The following WDFY2 variants were observed in gnomAD, a reference collection of about 807,000 sequenced individuals.
WDFY2 encodes WD repeat and FYVE domain containing 2.
In WDFY2, 36 loss-of-function variants were observed where a neutral mutation model predicts 56.4. That is an observed-to-expected ratio of 0.64 (90% CI 0.49 to 0.84). The LOEUF is 0.84. Among genes scored for constraint, WDFY2 ranks in the 40% least tolerant of loss-of-function variants. WDFY2 has a pLI of 0.00. For missense variants in WDFY2, 444 were observed against 512.2 expected, an observed-to-expected ratio of 0.87 and a Z score of 1.29; for synonymous variants, 176 against 183.7, an observed-to-expected ratio of 0.96 and a Z score of 0.34.
chr13:51,584,527 C>G lies in WDFY2; in HGVS notation c.-161C>G, dbSNP rs1953895117. ...GTGCCTGAAGCAGGGAGCGCGGAGT[C>G]GTTCCCGAGAGAGGCGGCCAGGCTA... On this transcript the variant is annotated 5_prime_UTR_variant, in exon 1 of 12. Coordinates refer to ENST00000298125, the MANE Select transcript of WDFY2 (RefSeq NM_052950.4). The G allele has an allele frequency of 1.0e-6, 1 of 1,003,620 alleles. No homozygotes were observed. 62.2% of individuals were successfully genotyped at this position (1,003,620 alleles called of 1,614,324 possible).
At chr13:51,586,627 A>G (rs962896155) in intron 1 of WDFY2, 2 of 152,204 alleles carry the variant, frequency 1.3e-5, no homozygotes, top group Admixed American at 6.5e-5. Context: ...TTACTGGGGT[A>G]TATTTTCAAG....
chr13:51,618,268 C>A (rs1156629671), intron 1 of WDFY2, among the ~76,000 whole-genome samples: 1 of 152,204 alleles, frequency 6.6e-6, no homozygotes, highest in Non-Finnish European at 1.5e-5. Context: ...CGTGTTATGA[C>A]ATACCTTGTT....
Position 51,675,254 on chromosome 13 carries a change from A to T in WDFY2, c.279+11A>T. On this transcript the variant is annotated intron_variant, in intron 3 of 11. Transcript: ENST00000298125. ...AATGGTACAATCTCAGTAAGTACAC[A>T]TAAATAAGATTTCCAGTTGAAATAC... is the stretch of plus-strand genomic sequence containing the variant. The T allele has an allele frequency of 6.2e-7, 1 of 1,607,212 alleles. No individual in the cohort carries two copies.
intron 1 of WDFY2, among the ~76,000 whole-genome samples, chr13:51,657,945 C>G (rs557814665): frequency 6.6e-6 from 1 of 152,184 alleles, no homozygotes; most frequent in South Asian, 2.1e-4. Context: ...TGGTTTCTGT[C>G]AATTTCTTTT....
intron 1 of WDFY2, among the ~76,000 whole-genome samples, chr13:51,636,452 T>C (rs1178051823): frequency 6.6e-6 from 1 of 152,160 alleles, no homozygotes; most frequent in Non-Finnish European, 1.5e-5. Flanking sequence ...TGAGGCATGA[T>C]GGAGAACAGC....
chr13:51,651,802 G>A (rs145828734), intron 1 of WDFY2, among the ~76,000 whole-genome samples: 5 of 152,144 alleles, frequency 3.3e-5, no homozygotes, highest in Admixed American at 3.3e-4. Flanking sequence ...CATTTGCTGA[G>A]GAGTGCTTTA....
chr13:51,726,361 T>G (rs1423869519), intron 5 of WDFY2, among the ~76,000 whole-genome samples: 1 of 152,244 alleles, frequency 6.6e-6, no homozygotes, highest in Non-Finnish European at 1.5e-5. Context: ...GATAGACGTT[T>G]GGGTTATTTT....
intron 4 of WDFY2, among the ~76,000 whole-genome samples, chr13:51,713,623 G>A (rs976394513): frequency 1.5e-4 from 23 of 151,916 alleles, no homozygotes; most frequent in African/African-American, 4.6e-4. Flanking sequence ...CTGTAATCCC[G>A]GCACTTCAGG....
intron 1 of WDFY2, among the ~76,000 whole-genome samples, chr13:51,625,831 G>A (rs1022416205): frequency 6.6e-6 from 1 of 152,242 alleles, no homozygotes; most frequent in African/African-American, 2.4e-5. Context: ...AAAGGAAGCT[G>A]ATATCAATGG....
At chr13:51,683,678 GC>G (rs1208680001) in intron 3 of WDFY2, among the ~76,000 whole-genome samples, 2 of 152,190 alleles carry the variant, frequency 1.3e-5, no homozygotes, top group Non-Finnish European at 2.9e-5. Flanking sequence ...TTCTTTTATA[GC>G]CCCTGTGGTT....
At chr13:51,688,929 T>C (rs1956104182) in intron 3 of WDFY2, among the ~76,000 whole-genome samples, 2 of 152,198 alleles carry the variant, frequency 1.3e-5, no homozygotes, top group Non-Finnish European at 1.5e-5. Flanking sequence ...TTATTTAAAA[T>C]GTACAACACT....
At chr13:51,591,567 A>G (rs1470241819) in intron 1 of WDFY2, 1 of 152,196 alleles carries the variant, frequency 6.6e-6, no homozygotes, top group Non-Finnish European at 1.5e-5. Flanking sequence ...TCACACATAG[A>G]CACACATATG....
chr13:51,728,745 C>A (rs1048501632), intron 6 of WDFY2, among the ~76,000 whole-genome samples: 6 of 152,108 alleles, frequency 3.9e-5, no homozygotes, highest in African/African-American at 1.4e-4. Context: ...ATTATTTATG[C>A]CTTTGGGAGG....
Position 51,762,414 on chromosome 13 carries a change from C to T in WDFY2, c.*2645C>T, listed in dbSNP as rs1953612853. 1 of 152,222 alleles carries T rather than the reference C, an allele frequency of 6.6e-6. No homozygotes were observed. The highest frequency in any genetic ancestry group is 2.1e-4 in the South Asian group (1 of 4,832). The allele number at this position is 152,222 out of a possible 1,614,324, so 9.4% of individuals were successfully genotyped here. On this transcript the variant is annotated 3_prime_UTR_variant, in exon 12 of 12. Coordinates refer to ENST00000298125, the MANE Select transcript of WDFY2 (RefSeq NM_052950.4). ...TTCACAGCCCACTGGTGTTGAGAAT[C>T]ATCATCAGAAAACCAGATATGTCAA...
chr13:51,619,518 C>A (rs1477302690), intron 1 of WDFY2, among the ~76,000 whole-genome samples: 2 of 151,730 alleles, frequency 1.3e-5, no homozygotes. Flanking sequence ...ATAATGAAAA[C>A]TAGGACTTTC....
intron 8 of WDFY2, among the ~76,000 whole-genome samples, chr13:51,754,034 A>T (rs1412997256): frequency 1.3e-5 from 2 of 150,694 alleles, no homozygotes; most frequent in Admixed American, 1.3e-4. Flanking sequence ...CGGAGGTTGC[A>T]GTGAGCCAAG....
rs184899807 is a variant in WDFY2, at chr13:51,651,926, C to T, written c.138-8670C>T. Among the ~76,000 whole-genome samples, 811 of 152,232 alleles carry T rather than the reference C, an allele frequency of 5.3e-3. 6 individuals carry two copies. The highest frequency in any genetic ancestry group is 0.018 in the African/African-American group (755 of 41,530). ...AGATGTCTATTAGGTCCGCTTGGTG[C>T]AGAGCTGAGTTCAATTCCTGGATAT... On this transcript the variant is annotated intron_variant, in intron 1 of 11. Transcript: ENST00000298125.
At chr13:51,616,737 G>A (rs1276977825) in intron 1 of WDFY2, among the ~76,000 whole-genome samples, 1 of 152,178 alleles carries the variant, frequency 6.6e-6, no homozygotes. Context: ...TAAGGAGGCT[G>A]GAAAGTGCTA....
chr13:51,758,396 C>A, intron 11 of WDFY2, 96 bp downstream of exon 11: 2 of 841,564 alleles, frequency 2.4e-6, no homozygotes, highest in South Asian at 2.0e-5. Context: ...TAAAGGTTAT[C>A]CTTGGGTAGC....
Sources: allele counts gnomAD v4.1 joint callset (sites outside exome capture counted in the v4.1 genomes callset), GRCh38; gene constraint gnomAD v4.1.1; transcripts MANE v1.5; gene names NCBI Gene and HGNC (gene_info 2026-07-23, HGNC 2026-07-21).